Variants in NAV2 observed in about 807,000 individuals in gnomAD.
The protein encoded by NAV2 is neuron navigator 2.
Under a neutral mutation model 223.2 loss-of-function variants are expected in NAV2, and 54 were observed. The ratio of observed to expected loss-of-function variants is 0.24; its 90% CI spans 0.19 to 0.30. The LOEUF (loss-of-function observed/expected upper bound fraction) is 0.30, where lower values mean the gene tolerates loss of function less well. NAV2 is among the 10% of genes least tolerant of loss of function. The pLI is 1.00. For synonymous variants in NAV2, 1,279 were observed against 1,239.3 expected (o/e 1.03, Z -0.67); for missense variants, 2,806 against 3,147.5 (o/e 0.89, Z 2.60).
intron 6 of NAV2, among the ~76,000 whole-genome samples, chr11:19,904,267 A>T (rs535965947): frequency 6.6e-6 from 1 of 152,330 alleles, no homozygotes; most frequent in East Asian, 1.9e-4. Flanking sequence ...AATGTCTTCT[A>T]TGTACCAAGC....
intron 10 of NAV2, among the ~76,000 whole-genome samples, chr11:19,952,131 CTCA>C (rs2047447778): frequency 6.6e-6 from 1 of 152,232 alleles, no homozygotes; most frequent in South Asian, 2.1e-4. Context: ...GTCTTTTCTA[CTCA>C]TCATATTCTT....
chr11:20,042,942 C>T lies in NAV2; in HGVS notation c.2908-1039C>T, dbSNP rs1338309712. Among the ~76,000 whole-genome samples the T allele has an allele frequency of 5.3e-5, 8 of 152,144 alleles. No individual in the cohort carries two copies. In the South Asian group the frequency reaches 1.0e-3, roughly 20 times the overall value. On this transcript the variant is annotated intron_variant, in intron 12 of 37. Transcript: ENST00000349880. ...GCAGGAGATCATTAACGTCACACTT[C>T]GGTCCCCTTCTGGGTTTTATGGCCA...
intron 11 of NAV2, among the ~76,000 whole-genome samples, chr11:20,019,994 T>TAAAAAAAAAAA (rs763255071): frequency 2.2e-5 from 3 of 134,044 alleles, no homozygotes; most frequent in African/African-American, 8.4e-5. Context: ...GGGCATGAGG[T>TAAAAAAAAAAA]AAAAAAAAAA....
chr11:19,608,543 T>A lies in NAV2; in HGVS notation c.76-223941T>A, dbSNP rs56756124. Among the ~76,000 whole-genome samples, 841 of 152,370 alleles carry A rather than the reference T, an allele frequency of 5.5e-3. 2 individuals are homozygous for A. Among genetic ancestry groups the A allele is most frequent in the African/African-American group, 0.019 (799 of 41,590 alleles). ...GAAATGACAGTGTTTATTTATTTTG[T>A]GGAAACTTGTCCTGTGTCAACCATG... On this transcript the variant is annotated intron_variant, in intron 1 of 37. Coordinates refer to the NAV2 transcript ENST00000360655.
intron 6 of NAV2, among the ~76,000 whole-genome samples, chr11:19,914,693 C>T (rs555157614): frequency 0.011 from 1,650 of 151,770 alleles, 19 homozygotes; most frequent in Non-Finnish European, 0.018. Context: ...TACAGGCGCC[C>T]GCCACCGCGC....
chr11:19,842,998 AAAACATTC>A, intron 3 of NAV2, 75 bp downstream of exon 3: 2 of 1,249,416 alleles, frequency 1.6e-6, no homozygotes, highest in South Asian at 1.2e-5. Flanking sequence ...GACCATCTTG[AAAACATTC>A]ATACCAGATG....
rs1007935636 is a variant in NAV2 at position 19,449,481 on chromosome 11, G to A, written c.75+98454G>A. 2.0e-5 allele frequency among the ~76,000 whole-genome samples: 3 copies of A among 152,018 alleles called. No homozygotes were observed. In the South Asian group the frequency reaches 6.2e-4, roughly 32 times the overall value. The stretch of plus-strand genomic sequence containing the variant: ...CATTGGTACCAACCCCACAGGGAGG[G>A]CTGCTGTGCTCAGGGAAAGCACTTC... On this transcript the variant is annotated intron_variant, in intron 1 of 37. Coordinates refer to the NAV2 transcript ENST00000360655.
chr11:20,072,631 T>C (rs577450917), intron 22 of NAV2, among the ~76,000 whole-genome samples: 15 of 152,360 alleles, frequency 9.8e-5, no homozygotes, highest in African/African-American at 3.4e-4. Context: ...TTTGTAGTTC[T>C]CCTTCAAGAG....
intron 5 of NAV2, among the ~76,000 whole-genome samples, chr11:19,887,433 C>A (rs921076750): frequency 6.6e-6 from 1 of 152,070 alleles, no homozygotes; most frequent in Non-Finnish European, 1.5e-5. Flanking sequence ...CCATCCTTAC[C>A]ACTTACTGAT....
intron 1 of NAV2, among the ~76,000 whole-genome samples, chr11:19,628,217 G>A (rs573472678): frequency 3.3e-5 from 5 of 152,200 alleles, no homozygotes; most frequent in African/African-American, 9.7e-5. Flanking sequence ...GGACTTGTCC[G>A]GTGGGAGAGG....
upstream of NAV2, among the ~76,000 whole-genome samples, chr11:19,708,794 T>C (rs2049758100): frequency 6.6e-6 from 1 of 151,862 alleles, no homozygotes. Flanking sequence ...ATTTGGGTGA[T>C]TCTGCAAGTT....
chr11:19,519,583 G>A (rs1434608157), intron 1 of NAV2, among the ~76,000 whole-genome samples: 1 of 152,160 alleles, frequency 6.6e-6, no homozygotes, highest in Non-Finnish European at 1.5e-5. Context: ...ACTAGTTGCT[G>A]AATGAAAGAA....
At chr11:19,769,022 A>G (rs778906977) in intron 1 of NAV2, among the ~76,000 whole-genome samples, 3 of 152,252 alleles carry the variant, frequency 2.0e-5, no homozygotes, top group Non-Finnish European at 4.4e-5. Context: ...TGGACAGCTC[A>G]TTCAACCTCT....
chr11:19,439,548 T>C (rs114177763), intron 1 of NAV2, among the ~76,000 whole-genome samples: 1,875 of 152,266 alleles, frequency 0.012, 39 homozygotes, highest in African/African-American at 0.044. Flanking sequence ...AAAGTGGCAG[T>C]GATAATATTG....
intron 19 of NAV2, among the ~76,000 whole-genome samples, chr11:20,061,634 G>T (rs985387416): frequency 2.6e-5 from 4 of 151,626 alleles, no homozygotes; most frequent in African/African-American, 9.7e-5. Flanking sequence ...ACATATAAGT[G>T]GTTCTAGTCC....
intron 1 of NAV2, among the ~76,000 whole-genome samples, chr11:19,517,550 C>A (rs1393830760): frequency 6.6e-6 from 1 of 152,220 alleles, no homozygotes; most frequent in Non-Finnish European, 1.5e-5. Context: ...AAGTTATTTT[C>A]AGCCCTGCAA....
chr11:19,959,088 A>G (rs2048139459), intron 10 of NAV2, among the ~76,000 whole-genome samples: 1 of 152,192 alleles, frequency 6.6e-6, no homozygotes, highest in South Asian at 2.1e-4. Context: ...CTGCTGGGAA[A>G]TAGCTGATGT....
At chr11:19,442,816 T>C (rs1055768261) in intron 1 of NAV2, among the ~76,000 whole-genome samples, 1 of 152,218 alleles carries the variant, frequency 6.6e-6, no homozygotes, top group African/African-American at 2.4e-5. Flanking sequence ...TTCTCTCTCT[T>C]CCAGTAGCTT....
At chr11:19,549,358 A>T (rs954448225) in intron 1 of NAV2, among the ~76,000 whole-genome samples, 1 of 152,154 alleles carries the variant, frequency 6.6e-6, no homozygotes, top group Non-Finnish European at 1.5e-5. Context: ...TTGGCGTCCT[A>T]TTCCCAACTG....
Sources: allele counts gnomAD v4.1 joint callset (sites outside exome capture counted in the v4.1 genomes callset), GRCh38; gene constraint gnomAD v4.1.1; transcripts MANE v1.5; gene names NCBI Gene and HGNC (gene_info 2026-07-23, HGNC 2026-07-21).